PTPRK: variants seen among roughly 807,000 people sequenced by gnomAD.
The protein encoded by PTPRK is protein tyrosine phosphatase receptor type K.
PTPRK carries 75 observed loss-of-function variants against 178.0 expected under a neutral mutation model. The ratio of observed to expected loss-of-function variants is 0.42; its 90% CI spans 0.35 to 0.51. PTPRK has a LOEUF of 0.51. Ranked by LOEUF, PTPRK falls within the 20% of genes least tolerant of loss-of-function variation. The pLI, the probability that PTPRK is intolerant of heterozygous loss-of-function variation, is 0.02. For synonymous variants in PTPRK, 637 were observed against 620.6 expected, an observed-to-expected ratio of 1.03 and a Z score of -0.39; for missense variants, 1,441 against 1,797.8, an observed-to-expected ratio of 0.80 and a Z score of 3.59.
At chr6:128,024,428 T>C (rs1322805819) in intron 13 of PTPRK, among the ~76,000 whole-genome samples, 8 of 152,224 alleles carry the variant, frequency 5.3e-5, no homozygotes, top group Admixed American at 1.3e-4. Flanking sequence ...AAATTACTGG[T>C]TCTCTATTAC....
At chr6:128,139,314 T>C (rs1043366732) in intron 7 of PTPRK, among the ~76,000 whole-genome samples, 1 of 151,992 alleles carries the variant, frequency 6.6e-6, no homozygotes. Flanking sequence ...GTAGCTGCAA[T>C]AGTCCATCTG....
chr6:128,256,980 C>G (rs954387795), intron 3 of PTPRK, among the ~76,000 whole-genome samples: 4 of 151,512 alleles, frequency 2.6e-5, no homozygotes, highest in Non-Finnish European at 5.9e-5. Flanking sequence ...CCTGTAATCC[C>G]AGAACTTTGG....
chr6:128,091,690 C>A (rs1454803655), intron 7 of PTPRK, among the ~76,000 whole-genome samples: 2 of 151,890 alleles, frequency 1.3e-5, no homozygotes, highest in South Asian at 2.1e-4. Flanking sequence ...CCCGCTAATT[C>A]TTTAATTTTT....
In PTPRK at chr6:128,493,165, C is replaced by G. The variant is rs543279363; in HGVS notation, c.100+27094G>C. Among the ~76,000 whole-genome samples the G allele has an allele frequency of 1.9e-3, 286 of 152,106 alleles. 1 individual carries two copies. Among genetic ancestry groups the G allele is most frequent in the Non-Finnish European group, 3.5e-3 (241 of 68,004 alleles). On this transcript the variant is annotated intron_variant, in intron 1 of 29. Coordinates refer to ENST00000368226, the MANE Select transcript of PTPRK (RefSeq NM_002844.4). ...CAGCATTCACCTCCTTTACTTTTTC[C>G]TAAGAGCAAATTCTATTGACCAAAA...
chr6:128,300,290 C>T lies in PTPRK; in HGVS notation c.495+21749G>A, dbSNP rs530801407. 1.2e-4 allele frequency among the ~76,000 whole-genome samples: 18 copies of T among 152,196 alleles called. No individual in the cohort carries two copies. The East Asian group carries it at 3.1e-3, about 26-fold the overall frequency. ...CTCTTGGTGGGACTGTAAACTAGTTCAACCCCTGTGGAAGTCAGTGGGGGG... is the reference window on the plus strand; with the variant it reads ...CTCTTGGTGGGACTGTAAACTAGTTTAACCCCTGTGGAAGTCAGTGGGGGG... On this transcript the variant is annotated intron_variant, in intron 3 of 29. Transcript: ENST00000368226.
At chr6:128,385,754 T>C (rs1229304376) in intron 2 of PTPRK, among the ~76,000 whole-genome samples, 1 of 152,188 alleles carries the variant, frequency 6.6e-6, no homozygotes, top group Non-Finnish European at 1.5e-5. Context: ...AGTCTTCAAA[T>C]ACTGGCCTCA....
chr6:127,976,982 A>G lies in PTPRK; in HGVS notation c.3784T>C (p.Leu1262=). 6.2e-7 allele frequency: 1 copy of G among 1,614,062 alleles called. No individual in the cohort carries two copies. The highest frequency in any genetic ancestry group is 8.5e-7 in the Non-Finnish European group (1 of 1,179,970). Residue 1262 remains leucine, a synonymous_variant, in exon 26 of 30, where the codon TTA becomes CTA. Transcript: ENST00000368226. ...GAGGTACAGCCATAATCATACACTA[A>G]TCTCCAGAAGTCTTTTACAGTGTTT... ...LPNTVKDFWR[L]VYDYGCTSIV... is the part of the protein sequence containing the mutation.
chr6:128,232,366 G>T (rs1812450211), intron 5 of PTPRK, among the ~76,000 whole-genome samples: 1 of 152,228 alleles, frequency 6.6e-6, no homozygotes, highest in African/African-American at 2.4e-5. Flanking sequence ...CACAGTTATA[G>T]AATCACATGT....
intron 1 of PTPRK, among the ~76,000 whole-genome samples, chr6:128,426,530 C>T (rs558048707): frequency 1.3e-5 from 2 of 152,322 alleles, no homozygotes; most frequent in South Asian, 4.1e-4. Flanking sequence ...TCTTCTAACT[C>T]TCTCAGGACC....
chr6:128,379,978 C>T (rs796422768), intron 2 of PTPRK, among the ~76,000 whole-genome samples: 24 of 152,174 alleles, frequency 1.6e-4, no homozygotes, highest in African/African-American at 5.5e-4. Flanking sequence ...AAATGAAAAA[C>T]ACAATGCTCA....
chr6:128,340,028 A>G (rs1246364058), intron 2 of PTPRK, among the ~76,000 whole-genome samples: 3 of 152,152 alleles, frequency 2.0e-5, no homozygotes, highest in South Asian at 2.1e-4. Context: ...AAAACCAGTA[A>G]AAGAGAGTGG....
intron 8 of PTPRK, among the ~76,000 whole-genome samples, chr6:128,088,220 A>G (rs909185688): frequency 2.0e-5 from 3 of 152,104 alleles, no homozygotes; most frequent in Non-Finnish European, 4.4e-5. Context: ...TCTATTAAAA[A>G]TACAAAAGTT....
chr6:128,293,967 T>C (rs1823831941), intron 3 of PTPRK, among the ~76,000 whole-genome samples: 1 of 152,120 alleles, frequency 6.6e-6, no homozygotes, highest in African/African-American at 2.4e-5. Flanking sequence ...AAGGGAAACA[T>C]GCTTGATATC....
intron 7 of PTPRK, among the ~76,000 whole-genome samples, chr6:128,113,897 A>G (rs1421053699): frequency 6.6e-6 from 1 of 152,138 alleles, no homozygotes. Context: ...CCTTAATTAC[A>G]GAATGTATCT....
intron 6 of PTPRK, among the ~76,000 whole-genome samples, chr6:128,199,275 A>G (rs530968638): frequency 6.6e-6 from 1 of 152,314 alleles, no homozygotes; most frequent in African/African-American, 2.4e-5. Context: ...AGATTTCATA[A>G]CAATGATGTT....
At chr6:128,161,855 T>G (rs1053769146) in intron 7 of PTPRK, among the ~76,000 whole-genome samples, 1 of 151,496 alleles carries the variant, frequency 6.6e-6, no homozygotes, top group Non-Finnish European at 1.5e-5. Context: ...AAATAAAAAT[T>G]ATCATTTATA....
intron 1 of PTPRK, among the ~76,000 whole-genome samples, chr6:128,415,340 T>C (rs1413783694): frequency 2.0e-5 from 3 of 152,206 alleles, no homozygotes; most frequent in African/African-American, 7.2e-5. Flanking sequence ...AGGAATCATA[T>C]AAAAATTTAA....
chr6:128,374,694 A>C (rs1355963048), intron 2 of PTPRK, among the ~76,000 whole-genome samples: 1 of 152,116 alleles, frequency 6.6e-6, no homozygotes, highest in African/African-American at 2.4e-5. Context: ...CCTAATAGCT[A>C]GTTTCCCTGA....
intron 2 of PTPRK, among the ~76,000 whole-genome samples, chr6:128,375,217 T>G (rs1836889078): frequency 6.6e-6 from 1 of 151,722 alleles, no homozygotes; most frequent in Non-Finnish European, 1.5e-5. Context: ...CTGTATAAGT[T>G]TGTTTTCATG....
Sources: allele counts gnomAD v4.1 joint callset (sites outside exome capture counted in the v4.1 genomes callset), GRCh38; gene constraint gnomAD v4.1.1; transcripts MANE v1.5; gene names NCBI Gene and HGNC (gene_info 2026-07-23, HGNC 2026-07-21).